The following MAGI2 variants were observed in gnomAD, a reference collection of about 807,000 sequenced individuals.
MAGI2 encodes the protein membrane associated guanylate kinase, WW and PDZ domain containing 2, also known as membrane-associated guanylate kinase, WW and PDZ domain-containing protein 2.
A neutral mutation model predicts 133.3 loss-of-function variants in MAGI2; 35 were observed. The ratio of observed to expected loss-of-function variants is 0.26; its 90% confidence interval spans 0.20 to 0.35. The LOEUF (loss-of-function observed/expected upper bound fraction) is 0.35, where lower values mean the gene tolerates loss of function less well. Ranked by LOEUF, MAGI2 falls within the 10% of genes least tolerant of loss-of-function variation. The pLI is 1.00. For missense variants in MAGI2, 1,636 were observed against 1,863.4 expected (o/e 0.88, Z 2.25); for synonymous variants, 729 against 710.6 (o/e 1.03, Z -0.41).
chr7:78,704,282 G>T (rs1818377771), intron 2 of MAGI2, among the ~76,000 whole-genome samples: 1 of 152,092 alleles, frequency 6.6e-6, no homozygotes, highest in African/African-American at 2.4e-5. Context: ...CTTTCCAAAA[G>T]GAGATATACA....
At chr7:78,488,075 G>A (rs927232242) in intron 6 of MAGI2, among the ~76,000 whole-genome samples, 4 of 151,890 alleles carry the variant, frequency 2.6e-5, no homozygotes, top group Admixed American at 1.3e-4. Context: ...AAAACGGTCC[G>A]ATAATATAAA....
In MAGI2 at chr7:78,691,810, T is replaced by C. The variant is rs1025816927; in HGVS notation, c.419-64571A>G. On this transcript the variant is annotated intron_variant, in intron 2 of 21. Coordinates refer to ENST00000354212, the MANE Select transcript of MAGI2 (RefSeq NM_012301.4). The stretch of plus-strand genomic sequence containing the variant: ...TTTAGGGAAGTGAAACTACCCTGTA[T>C]GACACTATAATGCTGGATACATGTC... Among the ~76,000 whole-genome samples the C allele has an allele frequency of 6.6e-5, 10 of 152,286 alleles. No individual in the cohort carries two copies. The East Asian group carries it at 1.2e-3, about 18-fold the overall frequency.
chr7:78,517,219 A>G (rs1461149012), intron 4 of MAGI2, among the ~76,000 whole-genome samples: 1 of 138,336 alleles, frequency 7.2e-6, no homozygotes, highest in African/African-American at 2.5e-5. Context: ...CATCGGTTCA[A>G]AAACAATCTG....
At position 79,359,282 on chromosome 7, in the gene MAGI2, T is replaced by C. The variant is rs848955; in HGVS notation, c.301+93738A>G. 3.9e-5 allele frequency among the ~76,000 whole-genome samples: 6 copies of C among 151,916 alleles called. No individual in the cohort carries two copies. The South Asian group carries it at 1.2e-3, about 32-fold the overall frequency. ...TAGGAAATATGAAGACAGAATAAGA[T>C]AATTCATCCAAAACTAAACAGTAGA... On this transcript the variant is annotated intron_variant, in intron 1 of 21. Coordinates refer to ENST00000354212, the MANE Select transcript of MAGI2 (RefSeq NM_012301.4).
At chr7:78,729,715 GTGTT>G (rs1199276593) in intron 2 of MAGI2, among the ~76,000 whole-genome samples, 1 of 152,178 alleles carries the variant, frequency 6.6e-6, no homozygotes, top group Non-Finnish European at 1.5e-5. Context: ...ATGCCAGTAA[GTGTT>G]TGAGCCATAG....
At chr7:78,518,522 T>C (rs1796226495) in intron 4 of MAGI2, 1 of 152,194 alleles carries the variant, frequency 6.6e-6, no homozygotes, top group Non-Finnish European at 1.5e-5. Context: ...TGGTAAGCAT[T>C]CAAAAGAAGT....
intron 16 of MAGI2, among the ~76,000 whole-genome samples, chr7:78,141,204 C>A (rs3807703): frequency 6.6e-6 from 1 of 151,968 alleles, no homozygotes; most frequent in Non-Finnish European, 1.5e-5. Context: ...TGATGTGATG[C>A]CTTTAGCCCA....
intron 1 of MAGI2, among the ~76,000 whole-genome samples, chr7:79,107,494 A>G (rs1294793088): frequency 6.6e-6 from 1 of 152,250 alleles, no homozygotes; most frequent in Non-Finnish European, 1.5e-5. Flanking sequence ...CAAAAGAATC[A>G]GTTGAGGAGA....
At chr7:78,924,689 T>C (rs1799548137) in intron 2 of MAGI2, among the ~76,000 whole-genome samples, 1 of 152,044 alleles carries the variant, frequency 6.6e-6, no homozygotes, top group Admixed American at 6.6e-5. Flanking sequence ...GGCTTTGGTA[T>C]CAGGATGATG....
At chr7:78,219,959 G>T (rs1788645406) in intron 10 of MAGI2, among the ~76,000 whole-genome samples, 1 of 152,072 alleles carries the variant, frequency 6.6e-6, no homozygotes, top group East Asian at 1.9e-4. Flanking sequence ...AGGAATCTTT[G>T]TAAGGCACAA....
intron 4 of MAGI2, among the ~76,000 whole-genome samples, chr7:78,505,054 T>C (rs887089252): frequency 1.5e-4 from 23 of 152,292 alleles, no homozygotes; most frequent in African/African-American, 4.3e-4. Flanking sequence ...TACCTCAGGA[T>C]AGTAAATTTG....
At chr7:79,059,297 C>G (rs1285165988) in intron 1 of MAGI2, among the ~76,000 whole-genome samples, 1 of 152,004 alleles carries the variant, frequency 6.6e-6, no homozygotes, top group Admixed American at 6.6e-5. Context: ...CGGACCTTGT[C>G]TGTCCAAAAT....
intron 5 of MAGI2, among the ~76,000 whole-genome samples, chr7:78,500,214 T>C (rs1027452221): frequency 2.0e-5 from 3 of 152,204 alleles, no homozygotes; most frequent in Non-Finnish European, 4.4e-5. Flanking sequence ...TATTGGTATG[T>C]GGTAACATTT....
intron 9 of MAGI2, among the ~76,000 whole-genome samples, chr7:78,280,649 G>A (rs537063502): frequency 5.9e-5 from 9 of 152,100 alleles, no homozygotes; most frequent in Admixed American, 2.0e-4. Flanking sequence ...AGACTGAGAC[G>A]TTAAGTATGT....
chr7:78,875,660 T>A (rs1795360550), intron 2 of MAGI2, among the ~76,000 whole-genome samples: 1 of 152,072 alleles, frequency 6.6e-6, no homozygotes, highest in South Asian at 2.1e-4. Flanking sequence ...CTATATTATA[T>A]AAAATGACCA....
chr7:78,223,506 A>T (rs992751502), intron 10 of MAGI2, among the ~76,000 whole-genome samples: 1 of 152,220 alleles, frequency 6.6e-6, no homozygotes, highest in African/African-American at 2.4e-5. Context: ...CTACCTCAAA[A>T]GTTCTGAAAC....
chr7:79,159,180 G>C (rs921302053), intron 1 of MAGI2, among the ~76,000 whole-genome samples: 1 of 152,060 alleles, frequency 6.6e-6, no homozygotes, highest in Non-Finnish European at 1.5e-5. Context: ...TTGTTAAAGA[G>C]AGAGGGATAT....
intron 1 of MAGI2, among the ~76,000 whole-genome samples, chr7:79,187,735 A>G (rs1827291020): frequency 6.6e-6 from 1 of 151,844 alleles, no homozygotes; most frequent in African/African-American, 2.4e-5. Flanking sequence ...TATAAAAACA[A>G]AAACAATTGT....
At chr7:78,223,953 C>T (rs934967951) in intron 10 of MAGI2, among the ~76,000 whole-genome samples, 2 of 152,070 alleles carry the variant, frequency 1.3e-5, no homozygotes, top group East Asian at 1.9e-4. Context: ...TTAAGCTTAC[C>T]GACTTGGTAC....
Sources: gnomAD v4.1 joint callset for allele counts (sites outside exome capture counted in the v4.1 genomes callset) on GRCh38, gnomAD v4.1.1 for gene constraint, MANE v1.5 for transcripts, NCBI Gene and HGNC (gene_info 2026-07-23, HGNC 2026-07-21) for gene names.